LRP1B: variants seen among roughly 807,000 people sequenced by gnomAD.
LRP1B encodes low-density lipoprotein receptor-related protein 1B.
In LRP1B, 217 loss-of-function variants were observed where a neutral mutation model predicts 556.6. The ratio of observed to expected loss-of-function variants is 0.39; its 90% CI spans 0.35 to 0.44. The LOEUF is 0.44. Ranked by LOEUF, LRP1B falls within the 20% of genes least tolerant of loss-of-function variation. The pLI is 1.00. For missense variants in LRP1B, 5,053 were observed against 5,620.8 expected (o/e 0.90, Z 3.23); for synonymous variants, 2,047 against 1,865.8 (o/e 1.10, Z -2.50).
intron 35 of LRP1B, among the ~76,000 whole-genome samples, chr2:140,763,727 T>C (rs1689007365): frequency 6.6e-6 from 1 of 152,158 alleles, no homozygotes; most frequent in African/African-American, 2.4e-5. Context: ...GTAATTTACT[T>C]AACCTAAAAT....
chr2:141,411,685 A>G (rs1351827045), intron 3 of LRP1B, among the ~76,000 whole-genome samples: 2 of 152,116 alleles, frequency 1.3e-5, no homozygotes, highest in Non-Finnish European at 2.9e-5. Context: ...TGAAACAACA[A>G]ATTCACTTGG....
In LRP1B at chr2:140,255,447, A is replaced by G. The variant is rs1057345898; in HGVS notation, c.13248-8285T>C. Reference sequence around the variant, plus strand: ...TTTACATATTTGATCACTGTACAACACAAATATACTATATTTTTTATTTCT... The same window carrying G: ...TTTACATATTTGATCACTGTACAACGCAAATATACTATATTTTTTATTTCT... On this transcript the variant is annotated intron_variant, in intron 86 of 90. Coordinates refer to ENST00000389484, the MANE Select transcript of LRP1B (RefSeq NM_018557.3). Among the ~76,000 whole-genome samples the G allele has an allele frequency of 5.3e-5, 8 of 152,318 alleles. No individual in the cohort carries two copies. In the East Asian group the frequency reaches 1.5e-3, roughly 29 times the overall value.
chr2:142,044,126 G>T (rs1232417493), intron 1 of LRP1B, among the ~76,000 whole-genome samples: 1 of 151,664 alleles, frequency 6.6e-6, no homozygotes, highest in African/African-American at 2.4e-5. Flanking sequence ...TATCACAAAT[G>T]TATACTTGGG....
intron 1 of LRP1B, among the ~76,000 whole-genome samples, chr2:141,971,847 T>A (rs531541668): frequency 6.6e-6 from 1 of 151,666 alleles, no homozygotes; most frequent in East Asian, 1.9e-4. Flanking sequence ...AAACTGACAA[T>A]CTGTCAGTGT....
At chr2:141,568,658 C>T (rs1686421597) in intron 2 of LRP1B, among the ~76,000 whole-genome samples, 1 of 150,634 alleles carries the variant, frequency 6.6e-6, no homozygotes. Flanking sequence ...GACAAACTAA[C>T]TATATACTTT....
At chr2:141,932,547 C>T (rs1700535985) in intron 1 of LRP1B, among the ~76,000 whole-genome samples, 1 of 151,884 alleles carries the variant, frequency 6.6e-6, no homozygotes. Flanking sequence ...CTTAGCAAAG[C>T]CATGTAATGC....
At chr2:140,303,259 T>C (rs967605941) in intron 83 of LRP1B, among the ~76,000 whole-genome samples, 1 of 151,898 alleles carries the variant, frequency 6.6e-6, no homozygotes, top group Non-Finnish European at 1.5e-5. Context: ...TATTTATTTA[T>C]TTATTTGAGA....
chr2:141,856,805 C>T (rs764167591), intron 1 of LRP1B, among the ~76,000 whole-genome samples: 3 of 152,046 alleles, frequency 2.0e-5, no homozygotes, highest in African/African-American at 7.2e-5. Flanking sequence ...TCTCGCTCCC[C>T]GTTTCAACGA....
chr2:141,164,246 T>A (rs1574143084), intron 7 of LRP1B, among the ~76,000 whole-genome samples: 2 of 152,154 alleles, frequency 1.3e-5, no homozygotes, highest in East Asian at 3.9e-4. Flanking sequence ...TGTGGAATTT[T>A]TTTTTCTTAA....
intron 89 of LRP1B, among the ~76,000 whole-genome samples, chr2:140,235,582 G>C (rs1220815443): frequency 6.6e-6 from 1 of 151,040 alleles, no homozygotes; most frequent in Non-Finnish European, 1.5e-5. Context: ...GATCCAGATA[G>C]AATCAGTCAT....
At chr2:140,261,768 C>T (rs1166964444) in intron 86 of LRP1B, among the ~76,000 whole-genome samples, 1 of 151,630 alleles carries the variant, frequency 6.6e-6, no homozygotes, top group Non-Finnish European at 1.5e-5. Flanking sequence ...ATATAATAAT[C>T]TGCAAAAGTA....
intron 18 of LRP1B, among the ~76,000 whole-genome samples, chr2:140,956,295 A>G (rs1695870205): frequency 6.6e-6 from 1 of 151,744 alleles, no homozygotes. Context: ...TTTGAATACA[A>G]CACTCTGATC....
At chr2:140,784,404 A>ACG (rs1346654346) in intron 32 of LRP1B, among the ~76,000 whole-genome samples, 1 of 150,904 alleles carries the variant, frequency 6.6e-6, no homozygotes, top group Non-Finnish European at 1.5e-5. Flanking sequence ...ACACACACAC[A>ACG]CACACACACA....
intron 30 of LRP1B, 71 bp from the exon 31 acceptor site, chr2:140,840,156 A>T (rs1248317208): frequency 1.2e-6 from 1 of 814,470 alleles, no homozygotes; most frequent in South Asian, 1.7e-5. Context: ...ATATACACTA[A>T]AAAACAAAGT....
chr2:141,341,434 G>T (rs1688051483), intron 3 of LRP1B, among the ~76,000 whole-genome samples: 1 of 151,898 alleles, frequency 6.6e-6, no homozygotes. Context: ...ATAGAGATTG[G>T]CTTAGATCTA....
chr2:140,444,197 A>G, intron 65 of LRP1B, 133 bp downstream of exon 65: 3 of 970,706 alleles, frequency 3.1e-6, no homozygotes, highest in Non-Finnish European at 4.5e-6. Context: ...GTTGGCATCT[A>G]TTTCTAATTA....
At chr2:140,299,527 T>C (rs548224421) in intron 83 of LRP1B, among the ~76,000 whole-genome samples, 1 of 152,234 alleles carries the variant, frequency 6.6e-6, no homozygotes, top group Non-Finnish European at 1.5e-5. Context: ...TATTTTTTTG[T>C]TGCCAAAAAA....
At position 141,186,144 on chromosome 2, in the gene LRP1B, G is replaced by T. The variant is rs540821270; in HGVS notation, c.1013+2277C>A. 3.4e-5 allele frequency among the ~76,000 whole-genome samples: 5 copies of T among 149,132 alleles called. No individual in the cohort carries two copies. In the South Asian group the frequency reaches 1.1e-3, roughly 32 times the overall value. On this transcript the variant is annotated intron_variant, in intron 7 of 90. Coordinates refer to ENST00000389484, the MANE Select transcript of LRP1B (RefSeq NM_018557.3). ...GGTACTTTCTCCAGGCATCCTTTTGGGGGGTAAGGCAAATTTTTCTCCATT... is the reference window on the plus strand; with the variant it reads ...GGTACTTTCTCCAGGCATCCTTTTGTGGGGTAAGGCAAATTTTTCTCCATT...
At chr2:141,872,233 G>A (rs936743267) in intron 1 of LRP1B, among the ~76,000 whole-genome samples, 2 of 151,894 alleles carry the variant, frequency 1.3e-5, no homozygotes, top group Non-Finnish European at 2.9e-5. Context: ...GTGTGTATGT[G>A]CATTTCCTTG....
Sources: gnomAD v4.1 joint callset for allele counts (sites outside exome capture counted in the v4.1 genomes callset) on GRCh38, gnomAD v4.1.1 for gene constraint, MANE v1.5 for transcripts, NCBI Gene and HGNC (gene_info 2026-07-23, HGNC 2026-07-21) for gene names.